TNRC18: variants seen among roughly 807,000 people sequenced by gnomAD.
TNRC18 encodes the protein trinucleotide repeat-containing gene 18 protein.
In TNRC18, 69 loss-of-function variants were observed where a neutral mutation model predicts 226.7. The ratio of observed to expected loss-of-function variants is 0.30; its 90% confidence interval spans 0.25 to 0.37. TNRC18 has a LOEUF of 0.37. Ranked by LOEUF, TNRC18 falls within the 10% of genes least tolerant of loss-of-function variation. The pLI is 1.00. For missense variants in TNRC18, 4,754 were observed against 4,256.6 expected (o/e 1.12, Z -3.25); for synonymous variants, 2,449 against 1,927.6 (o/e 1.27, Z -7.09).
At chr7:5,385,508 A>G (rs1214610602) in intron 5 of TNRC18, among the ~76,000 whole-genome samples, 1 of 86,818 alleles carries the variant, frequency 1.2e-5, no homozygotes, top group South Asian at 4.4e-4. Flanking sequence ...AAAAAAAAAA[A>G]AAAAAAAAAG....
At chr7:5,379,800 C>T (rs1313750006) in intron 5 of TNRC18, among the ~76,000 whole-genome samples, 1 of 152,242 alleles carries the variant, frequency 6.6e-6, no homozygotes, top group Non-Finnish European at 1.5e-5. Flanking sequence ...AGGTGCCATT[C>T]GCACAGGCGG....
In TNRC18 at chr7:5,313,374, G is replaced by T. The variant is rs762750666; in HGVS notation, c.7517C>A (p.Pro2506His). ...CTTGGGCTCGCTGCTGCCGGCCGCG[G>T]GGGGATAGCTGCCCAGGCTCAGGAG... ...KSLLSLGSYP[P>H]AAGSSEPKAP... The change falls in exon 27 of 30, where the codon CCC (proline) becomes CAC (histidine). Residue 2506 changes from proline (P) to histidine (H), a missense_variant. By Grantham distance (77) the Pro-to-His change is moderately conservative. Transcript: ENST00000430969. 3 of 1,584,484 alleles carry T rather than the reference G, an allele frequency of 1.9e-6. No homozygotes were observed. The highest frequency in any genetic ancestry group is 1.8e-5 in the Admixed American group (1 of 55,390).
intron 2 of TNRC18, among the ~76,000 whole-genome samples, chr7:5,419,324 C>G (rs1305066645): frequency 6.6e-6 from 1 of 152,232 alleles, no homozygotes; most frequent in Non-Finnish European, 1.5e-5. Flanking sequence ...GCGGGGAGTG[C>G]GCGACGCCCC....
chr7:5,421,019 T>C (rs1457865509), intron 2 of TNRC18, 41 bp downstream of exon 2: 9 of 1,541,034 alleles, frequency 5.8e-6, no homozygotes, highest in Middle Eastern at 1.7e-4. Context: ...TGGATCTCCC[T>C]GGGAAGACAG....
intron 14 of TNRC18, among the ~76,000 whole-genome samples, chr7:5,360,548 T>C (rs1205423839): frequency 1.3e-5 from 2 of 152,106 alleles, no homozygotes; most frequent in Non-Finnish European, 2.9e-5. Context: ...TATTTTTTTA[T>C]AGATGAGAAA....
intron 1 of TNRC18, among the ~76,000 whole-genome samples, chr7:5,422,407 C>A (rs557224658): frequency 1.3e-5 from 2 of 151,988 alleles, no homozygotes; most frequent in East Asian, 1.9e-4. Flanking sequence ...GCGCCTCCCC[C>A]ACCTTTGGGT....
At chr7:5,308,694 C>T (rs1009638560) in intron 29 of TNRC18, among the ~76,000 whole-genome samples, 181 bp downstream of exon 29, 4 of 152,142 alleles carry the variant, frequency 2.6e-5, no homozygotes, top group Non-Finnish European at 5.9e-5. Flanking sequence ...CAGAGACAGA[C>T]GCACAGACCA....
Position 5,376,838 on chromosome 7 carries a change from T to C in TNRC18, c.2608+9A>G. ...TGGCCCATGGTGGCCACATAGAAGG[T>C]CCACTTACCAAAGTGAGGAAGGTGA... is the stretch of plus-strand genomic sequence containing the variant. On this transcript the variant is annotated intron_variant, in intron 8 of 29. Transcript: ENST00000430969. The C allele has an allele frequency of 2.5e-6, 4 of 1,608,690 alleles. No individual in the cohort carries two copies. Among genetic ancestry groups the C allele is most frequent in the Non-Finnish European group, 3.4e-6 (4 of 1,177,650 alleles).
At chr7:5,334,309 TTTC>T (rs1789860717) in intron 18 of TNRC18, among the ~76,000 whole-genome samples, 2 of 152,056 alleles carry the variant, frequency 1.3e-5, no homozygotes, top group Non-Finnish European at 2.9e-5. Flanking sequence ...TTTTTTTTTT[TTTC>T]TTGAGACGGA....
In TNRC18 at chr7:5,324,062, G is replaced by A. The variant is rs1232852722; in HGVS notation, c.6442+152C>T. 3.3e-5 allele frequency among the ~76,000 whole-genome samples: 5 copies of A among 152,072 alleles called. No individual in the cohort carries two copies. The highest frequency in any genetic ancestry group is 1.9e-4 in the East Asian group (1 of 5,194). Reference sequence around the variant, plus strand: ...CTGCAGCCAGTCCAGCCTTCTCATCGACCCGGATAACTCAGCCTCAGGATC... The same window carrying A: ...CTGCAGCCAGTCCAGCCTTCTCATCAACCCGGATAACTCAGCCTCAGGATC... On this transcript the variant is annotated intron_variant, in intron 21 of 29. Transcript: ENST00000430969. This position sits in a 1 kb window ranked among gnomAD's most constrained non-coding sequence, Gnocchi z 4.8.
chr7:5,328,798 T>C (rs1056795004), intron 19 of TNRC18, among the ~76,000 whole-genome samples: 6 of 151,578 alleles, frequency 4.0e-5, no homozygotes, highest in Admixed American at 6.6e-5. Context: ...GTATGAGCCA[T>C]TGCGCCCGGC....
chr7:5,314,687 C>T (rs1787662413), intron 26 of TNRC18, among the ~76,000 whole-genome samples: 1 of 150,946 alleles, frequency 6.6e-6, no homozygotes, highest in Non-Finnish European at 1.5e-5. Context: ...ATTCTCCTGC[C>T]TCAGCCTCCC....
chr7:5,333,138 G>A (rs1789729367), intron 18 of TNRC18, 89 bp from the exon 19 acceptor site: 6 of 1,435,242 alleles, frequency 4.2e-6, no homozygotes, highest in African/African-American at 1.4e-5. Context: ...CCTCCCCGGC[G>A]GGACCTCCCC....
At chr7:5,355,859 TAAG>T (rs1792313081) in intron 16 of TNRC18, among the ~76,000 whole-genome samples, 1 of 150,272 alleles carries the variant, frequency 6.7e-6, no homozygotes, top group African/African-American at 2.5e-5. Context: ...GCCTAAGCAA[TAAG>T]AAGAGACCCT....
chr7:5,377,108 G>A lies in TNRC18; in HGVS notation c.2462-115C>T, dbSNP rs1245657206. 2 of 1,431,002 alleles carry A rather than the reference G, an allele frequency of 1.4e-6. No individual in the cohort carries two copies. The highest frequency in any genetic ancestry group is 1.9e-6 in the Non-Finnish European group (2 of 1,067,670). 88.6% of individuals were successfully genotyped at this position (1,431,002 alleles called of 1,614,324 possible). Reference sequence around the variant, plus strand: ...TCCTGAACCTCCTGGGGCCTCCAGTGGGGAAGCCAAGGGACAGGGGTGCTG... The same window carrying A: ...TCCTGAACCTCCTGGGGCCTCCAGTAGGGAAGCCAAGGGACAGGGGTGCTG... On this transcript the variant is annotated intron_variant, in intron 7 of 29. Coordinates refer to ENST00000430969, the MANE Select transcript of TNRC18 (RefSeq NM_001080495.3). The surrounding 1 kb of genome is among the most constrained non-coding windows in gnomAD (Gnocchi z 5.8).
intron 15 of TNRC18, 82 bp downstream of exon 15, chr7:5,359,316 G>A (rs1257241766): frequency 3.5e-6 from 5 of 1,444,016 alleles, no homozygotes; most frequent in African/African-American, 2.8e-5. Flanking sequence ...CAAAGGGCCT[G>A]CGAAGGGAGC....
chr7:5,409,852 G>C (rs1194665381), intron 2 of TNRC18, among the ~76,000 whole-genome samples: 3 of 149,404 alleles, frequency 2.0e-5, no homozygotes, highest in Admixed American at 6.7e-5. Context: ...TTAGCCAGGC[G>C]TGGTGGCCGG....
In TNRC18 at chr7:5,332,691, G is replaced by A. The variant is rs1490818793; in HGVS notation, c.6078C>T (p.Cys2026=). The A allele has an allele frequency of 2.0e-6, 3 of 1,529,824 alleles. No homozygotes were observed. Among genetic ancestry groups the A allele is most frequent in the Non-Finnish European group, 2.6e-6 (3 of 1,141,668 alleles). 94.8% of individuals were successfully genotyped at this position (1,529,824 alleles called of 1,614,324 possible). A position where few individuals can be genotyped will look rare whatever the true frequency, so the allele number is the denominator to read the frequency against. The part of the protein sequence containing the change: ...STAPATKTSR[C]AKGGPLSPRK... ...GCGGGCTCAGGGGGCCGCCCTTGGC[G>A]CAGCGGCTGGTCTTGGTGGCGGGCG... The change falls in exon 19 of 30, where the codon TGC becomes TGT. Residue 2026 remains cysteine (C), a synonymous_variant. Transcript: ENST00000430969.
chr7:5,410,705 A>C (rs1781782306), intron 2 of TNRC18, among the ~76,000 whole-genome samples: 1 of 149,530 alleles, frequency 6.7e-6, no homozygotes, highest in African/African-American at 2.5e-5. Context: ...ATCTCTACTA[A>C]AAATACAAAA....
Sources: gnomAD v4.1 joint callset for allele counts (sites outside exome capture counted in the v4.1 genomes callset) on GRCh38, gnomAD v4.1.1 for gene constraint, Gnocchi (gnomAD v3.1) non-coding constraint, MANE v1.5 for transcripts, NCBI Gene and HGNC (gene_info 2026-07-23, HGNC 2026-07-21) for gene names.